LMX1A: variants seen among roughly 807,000 people sequenced by gnomAD.
LMX1A encodes the protein LIM homeobox transcription factor 1-alpha.
In LMX1A, 15 loss-of-function variants were observed where a neutral mutation model predicts 49.1. That is an observed-to-expected ratio of 0.31 (90% CI 0.20 to 0.47). The LOEUF is 0.47. Among genes scored for constraint, LMX1A ranks in the 20% least tolerant of loss-of-function variants. The pLI, the probability that LMX1A is intolerant of heterozygous loss-of-function variation, is 1.00. For synonymous variants in LMX1A, 167 were observed against 185.7 expected, an observed-to-expected ratio of 0.90 and a Z score of 0.82; for missense variants, 372 against 475.8, an observed-to-expected ratio of 0.78 and a Z score of 2.03.
chr1:165,350,262 T>C (rs1052477503), intron 3 of LMX1A, among the ~76,000 whole-genome samples: 7 of 151,916 alleles, frequency 4.6e-5, no homozygotes, highest in African/African-American at 1.5e-4. Flanking sequence ...GCTTCAGGAC[T>C]ATTGTCTACA....
At chr1:165,342,554 T>C (rs1247622154) in intron 3 of LMX1A, among the ~76,000 whole-genome samples, 4 of 151,876 alleles carry the variant, frequency 2.6e-5, no homozygotes, top group Admixed American at 2.6e-4. Context: ...TAGAGATCAA[T>C]GGGGTTGGTG....
chr1:165,258,498 T>C (rs1365944766), intron 3 of LMX1A, among the ~76,000 whole-genome samples: 1 of 151,928 alleles, frequency 6.6e-6, no homozygotes, highest in Non-Finnish European at 1.5e-5. Flanking sequence ...GACTCTGCAG[T>C]GGTGAGAAAA....
intron 3 of LMX1A, among the ~76,000 whole-genome samples, chr1:165,298,333 AG>A (rs1654678043): frequency 6.6e-6 from 1 of 152,236 alleles, no homozygotes; most frequent in African/African-American, 2.4e-5. Context: ...TTCAGCTGAA[AG>A]GCTTGCAGGC....
At chr1:165,312,584 G>A (rs2101735077) in intron 3 of LMX1A, among the ~76,000 whole-genome samples, 1 of 152,304 alleles carries the variant, frequency 6.6e-6, no homozygotes, top group South Asian at 2.1e-4. Context: ...TTGGAATCCA[G>A]CCACTATGCT....
At chr1:165,256,498 A>G (rs189396453) in intron 3 of LMX1A, among the ~76,000 whole-genome samples, 1 of 152,284 alleles carries the variant, frequency 6.6e-6, no homozygotes, top group East Asian at 1.9e-4. Context: ...AGGTCTCCAG[A>G]TAGTGTTTTA....
chr1:165,299,130 C>A (rs1571209431), intron 3 of LMX1A, among the ~76,000 whole-genome samples: 1 of 152,304 alleles, frequency 6.6e-6, no homozygotes, highest in South Asian at 2.1e-4. Context: ...TATCTCAGCC[C>A]CAGATGCCTG....
At chr1:165,235,424 T>G (rs72702415) in intron 4 of LMX1A, among the ~76,000 whole-genome samples, 1 of 26,904 alleles carries the variant, frequency 3.7e-5, no homozygotes, top group Admixed American at 4.5e-4. Context: ...ACACACACAC[T>G]CACACTCACA....
At chr1:165,218,478 A>G (rs1449575540) in intron 4 of LMX1A, 4 of 152,416 alleles carry the variant, frequency 2.6e-5, no homozygotes, top group Non-Finnish European at 5.9e-5. Context: ...ACCATCACCC[A>G]GCTTCCATCT....
At chr1:165,206,672 G>A (rs1245246656) in intron 7 of LMX1A, among the ~76,000 whole-genome samples, 1 of 152,068 alleles carries the variant, frequency 6.6e-6, no homozygotes, top group Non-Finnish European at 1.5e-5. Context: ...GTCCTGTGAG[G>A]TAGGACTAGC....
intron 3 of LMX1A, among the ~76,000 whole-genome samples, chr1:165,287,705 A>G (rs976039689): frequency 6.6e-6 from 1 of 152,162 alleles, no homozygotes; most frequent in Non-Finnish European, 1.5e-5. Flanking sequence ...CAACAAATTT[A>G]TTTTAAAAAT....
At chr1:165,319,673 A>G (rs1395325806) in intron 3 of LMX1A, among the ~76,000 whole-genome samples, 1 of 152,158 alleles carries the variant, frequency 6.6e-6, no homozygotes, top group Non-Finnish European at 1.5e-5. Context: ...ATGAAAATAG[A>G]TGTTTATAAG....
At chr1:165,307,690 A>G (rs1004751097) in intron 3 of LMX1A, among the ~76,000 whole-genome samples, 1 of 152,124 alleles carries the variant, frequency 6.6e-6, no homozygotes, top group Non-Finnish European at 1.5e-5. Context: ...ACTAACCCCT[A>G]CCCACGTCAG....
intron 3 of LMX1A, among the ~76,000 whole-genome samples, chr1:165,317,973 A>C (rs1250787883): frequency 1.3e-5 from 2 of 152,250 alleles, no homozygotes; most frequent in Non-Finnish European, 2.9e-5. Context: ...GCCCCAAGGC[A>C]GGGAAGGGAA....
At chr1:165,333,504 C>A (rs1655810911) in intron 3 of LMX1A, among the ~76,000 whole-genome samples, 1 of 152,146 alleles carries the variant, frequency 6.6e-6, no homozygotes, top group African/African-American at 2.4e-5. Flanking sequence ...AGGATTCACT[C>A]AAGGCCACTT....
chr1:165,261,744 T>C (rs1049902888), intron 3 of LMX1A, among the ~76,000 whole-genome samples: 1 of 152,118 alleles, frequency 6.6e-6, no homozygotes, highest in South Asian at 2.1e-4. Flanking sequence ...TACAACATAA[T>C]GAGGACATTA....
At chr1:165,326,000 C>T (rs542187836) in intron 3 of LMX1A, among the ~76,000 whole-genome samples, 36 of 108,944 alleles carry the variant, frequency 3.3e-4, no homozygotes, top group African/African-American at 1.1e-3. Flanking sequence ...TGAGTAATCC[C>T]AGGGGGGCTC....
At chr1:165,257,178 T>C (rs1245598941) in intron 3 of LMX1A, among the ~76,000 whole-genome samples, 1 of 152,118 alleles carries the variant, frequency 6.6e-6, no homozygotes, top group East Asian at 1.9e-4. Flanking sequence ...ATAGAACTAT[T>C]TTATGAACTC....
At chr1:165,282,363 T>C (rs1314805657) in intron 3 of LMX1A, among the ~76,000 whole-genome samples, 4 of 152,254 alleles carry the variant, frequency 2.6e-5, no homozygotes, top group Non-Finnish European at 5.9e-5. Context: ...ATATAAAATG[T>C]AGTATGTGCA....
chr1:165,286,379 T>C (rs1328753559), intron 3 of LMX1A, among the ~76,000 whole-genome samples: 1 of 152,114 alleles, frequency 6.6e-6, no homozygotes, highest in East Asian at 1.9e-4. Flanking sequence ...AGAGCCAGGG[T>C]GGGTCTGACA....
Sources: allele counts gnomAD v4.1 joint callset (sites outside exome capture counted in the v4.1 genomes callset), GRCh38; gene constraint gnomAD v4.1.1; transcripts MANE v1.5; gene names NCBI Gene and HGNC (gene_info 2026-07-23, HGNC 2026-07-21).